PPARG: variants seen among roughly 807,000 people sequenced by gnomAD.
PPARG encodes peroxisome proliferator-activated receptor gamma.
PPARG carries 17 observed loss-of-function variants against 39.2 expected under a neutral mutation model. That is an observed-to-expected ratio of 0.43 (90% CI 0.30 to 0.65). PPARG has a LOEUF of 0.65. PPARG is among the 30% of genes least tolerant of loss of function. The probability of loss-of-function intolerance (pLI) is 0.13; values close to 1 mark genes in which losing one functional copy is unlikely to be tolerated. For synonymous variants in PPARG, 223 were observed against 215.7 expected (o/e 1.03, Z -0.30); for missense variants, 406 against 585.9 (o/e 0.69, Z 3.17).
At chr3:12,335,942 C>G (rs1254121104) in intron 2 of PPARG, among the ~76,000 whole-genome samples, 1 of 152,134 alleles carries the variant, frequency 6.6e-6, no homozygotes, top group African/African-American at 2.4e-5. Context: ...CTTGCTTAAT[C>G]TTAAAGTGAT....
At position 12,395,296 on chromosome 3, in the gene PPARG, T is replaced by G. The variant is rs180979064; in HGVS notation, c.529+2544T>G. 7.2e-5 allele frequency among the ~76,000 whole-genome samples: 11 copies of G among 152,370 alleles called. No individual in the cohort carries two copies. The East Asian group carries it at 2.1e-3, about 29-fold the overall frequency. On this transcript the variant is annotated intron_variant, in intron 5 of 7. Transcript: ENST00000651735. ...ACCTGGCATGTCAGTTGCCTGAATT[T>G]GAAAGTTTTCACCTGTATGTTTTGG...
At chr3:12,375,871 C>G (rs1012709996) in intron 2 of PPARG, among the ~76,000 whole-genome samples, 1 of 152,026 alleles carries the variant, frequency 6.6e-6, no homozygotes, top group African/African-American at 2.4e-5. Flanking sequence ...GACATGTGAA[C>G]CCATACGGTA....
intron 2 of PPARG, among the ~76,000 whole-genome samples, chr3:12,358,292 A>C (rs1211925681): frequency 6.6e-6 from 1 of 152,198 alleles, no homozygotes; most frequent in Non-Finnish European, 1.5e-5. Flanking sequence ...AGCAATGTTT[A>C]AAAAAGAGTA....
At chr3:12,323,173 GA>G (rs2047595346) in intron 2 of PPARG, among the ~76,000 whole-genome samples, 1 of 152,146 alleles carries the variant, frequency 6.6e-6, no homozygotes, top group East Asian at 1.9e-4. Context: ...TGAAAAAAGT[GA>G]AAAATGAATT....
chr3:12,313,133 G>A (rs1574972271), intron 2 of PPARG, among the ~76,000 whole-genome samples: 1 of 152,122 alleles, frequency 6.6e-6, no homozygotes, highest in Admixed American at 6.5e-5. Context: ...GTAGTTTTAG[G>A]ACTATTGATT....
At chr3:12,307,985 C>A (rs1420986323) in intron 1 of PPARG, among the ~76,000 whole-genome samples, 3 of 151,808 alleles carry the variant, frequency 2.0e-5, no homozygotes, top group Middle Eastern at 3.4e-3. Context: ...GAGATGAAGG[C>A]CAAGAGGAAA....
chr3:12,425,183 G>C (rs1406926415), intron 7 of PPARG, among the ~76,000 whole-genome samples: 4 of 152,222 alleles, frequency 2.6e-5, no homozygotes, highest in Non-Finnish European at 5.9e-5. Flanking sequence ...GAAGTGGGGA[G>C]GATTCGGACG....
At chr3:12,307,983 G>A (rs993666591) in intron 1 of PPARG, among the ~76,000 whole-genome samples, 2 of 151,696 alleles carry the variant, frequency 1.3e-5, no homozygotes, top group Non-Finnish European at 2.9e-5. Context: ...AAGAGATGAA[G>A]GCCAAGAGGA....
chr3:12,345,276 C>T (rs1021942106), intron 2 of PPARG, among the ~76,000 whole-genome samples: 5 of 152,158 alleles, frequency 3.3e-5, no homozygotes, highest in Non-Finnish European at 5.9e-5. Context: ...ACTCCGTGAA[C>T]TGATGTTCAA....
Position 12,343,464 on chromosome 3 carries a change from G to A in PPARG, c.-9+31011G>A, listed in dbSNP as rs143492809. The stretch of plus-strand genomic sequence containing the variant: ...CCCTTCTCTGCCTCTTATTAGCTAT[G>A]TGATCTCAAAACTCAATTTCTTTAT... On this transcript the variant is annotated intron_variant, in intron 2 of 7. Coordinates refer to ENST00000651735, the MANE Select transcript of PPARG (RefSeq NM_138711.6). Among the ~76,000 whole-genome samples, 24 of 152,286 alleles carry A rather than the reference G, an allele frequency of 1.6e-4. No individual in the cohort carries two copies. In the East Asian group the frequency reaches 3.3e-3, roughly 21 times the overall value.
intron 2 of PPARG, among the ~76,000 whole-genome samples, chr3:12,319,254 C>G (rs537184946): frequency 8.0e-4 from 121 of 152,196 alleles, no homozygotes; most frequent in African/African-American, 2.6e-3. Context: ...TTCTTATCTG[C>G]GAAGGAAGTA....
chr3:12,330,013 T>C (rs1189576005), intron 2 of PPARG, among the ~76,000 whole-genome samples: 1 of 152,224 alleles, frequency 6.6e-6, no homozygotes, highest in East Asian at 1.9e-4. Context: ...CATGGATATA[T>C]ACCACATTGT....
At chr3:12,413,375 G>A (rs990284287) in intron 6 of PPARG, among the ~76,000 whole-genome samples, 5 of 152,190 alleles carry the variant, frequency 3.3e-5, no homozygotes, top group African/African-American at 1.2e-4. Context: ...AAGAATCTAT[G>A]CAGCCTTCGG....
chr3:12,433,137 AC>A (rs1354609332), intron 7 of PPARG, among the ~76,000 whole-genome samples: 7 of 152,380 alleles, frequency 4.6e-5, no homozygotes, highest in African/African-American at 1.2e-4. Flanking sequence ...AAAAAGACAA[AC>A]CTTTTTTTAA....
At chr3:12,404,877 TAAAC>T (rs1163806078) in intron 5 of PPARG, among the ~76,000 whole-genome samples, 3 of 152,146 alleles carry the variant, frequency 2.0e-5, no homozygotes, top group Admixed American at 1.3e-4. Context: ...GCTAGAGACA[TAAAC>T]AAATATGACA....
At chr3:12,418,053 T>G (rs1025513223) in intron 7 of PPARG, among the ~76,000 whole-genome samples, 5 of 151,984 alleles carry the variant, frequency 3.3e-5, no homozygotes, top group African/African-American at 9.7e-5. Flanking sequence ...GTGGCCATTT[T>G]ACAGTTGGGC....
At chr3:12,350,970 C>G (rs2048468411) in intron 2 of PPARG, among the ~76,000 whole-genome samples, 1 of 152,122 alleles carries the variant, frequency 6.6e-6, no homozygotes, top group South Asian at 2.1e-4. Context: ...CTTCACAAAT[C>G]AGTAGAGTAA....
At chr3:12,295,759 C>T (rs541906394) in intron 1 of PPARG, among the ~76,000 whole-genome samples, 1 of 152,120 alleles carries the variant, frequency 6.6e-6, no homozygotes, top group African/African-American at 2.4e-5. Flanking sequence ...AGGAGATCCA[C>T]CTGCCTCGGC....
At chr3:12,413,187 C>T (rs1369639938) in intron 6 of PPARG, among the ~76,000 whole-genome samples, 1 of 152,176 alleles carries the variant, frequency 6.6e-6, no homozygotes, top group Non-Finnish European at 1.5e-5. Context: ...GAGGTTCTCT[C>T]TCCATAAAGC....
Sources: gnomAD v4.1 joint callset for allele counts (sites outside exome capture counted in the v4.1 genomes callset) on GRCh38, gnomAD v4.1.1 for gene constraint, MANE v1.5 for transcripts, NCBI Gene and HGNC (gene_info 2026-07-23, HGNC 2026-07-21) for gene names.